The following ARHGAP35 variants were observed in gnomAD, a reference collection of about 807,000 sequenced individuals.
ARHGAP35 encodes Rho GTPase activating protein 35, also known as rho GTPase-activating protein 35.
A neutral mutation model predicts 111.1 loss-of-function variants in ARHGAP35; 15 were observed. That is an observed-to-expected ratio of 0.13 (90% CI 0.09 to 0.21). The LOEUF (loss-of-function observed/expected upper bound fraction) is 0.21, where lower values mean the gene tolerates loss of function less well. Among genes scored for constraint, ARHGAP35 ranks in the 10% least tolerant of loss-of-function variants. The pLI is 1.00. For synonymous variants in ARHGAP35, 643 were observed against 710.3 expected (o/e 0.91, Z 1.51); for missense variants, 1,262 against 1,873.0 (o/e 0.67, Z 6.02).
intron 1 of ARHGAP35, among the ~76,000 whole-genome samples, chr19:46,876,187 G>A (rs2055919274): frequency 6.6e-6 from 1 of 151,594 alleles, no homozygotes; most frequent in Non-Finnish European, 1.5e-5. Context: ...ACCTGGACCT[G>A]GCTTTATTTT....
intron 1 of ARHGAP35, among the ~76,000 whole-genome samples, chr19:46,864,010 C>T (rs992147290): frequency 6.6e-6 from 1 of 152,238 alleles, no homozygotes; most frequent in Non-Finnish European, 1.5e-5. Context: ...TGCAGGCACT[C>T]CCTGCCACAG....
At position 46,989,795 on chromosome 19, in the gene ARHGAP35, G is replaced by T; in HGVS notation, c.4036+120G>T. The T allele has an allele frequency of 6.7e-7, 1 of 1,500,216 alleles. No homozygotes were observed. The highest frequency in any genetic ancestry group is 9.0e-7 in the Non-Finnish European group (1 of 1,104,986). The allele number at this position is 1,500,216 out of a possible 1,614,324, so 92.9% of individuals were successfully genotyped here. ...AGAGCTGAGGTTTGAAGGACAGAGG[G>T]CAAGGGAATTAACCAGATGACAGCA... On this transcript the variant is annotated intron_variant, in intron 5 of 6. Coordinates refer to ENST00000672722, the MANE Select transcript of ARHGAP35 (RefSeq NM_004491.5). This position sits in a 1 kb window ranked among gnomAD's most constrained non-coding sequence, Gnocchi z 5.3.
rs2056660929 is a variant in ARHGAP35 at position 46,988,134 on chromosome 19, A to ACTGTCTGTGGGG, written c.3904+71_3904+82dup. On this transcript the variant is annotated intron_variant, in intron 4 of 6. Coordinates refer to ENST00000672722, the MANE Select transcript of ARHGAP35 (RefSeq NM_004491.5). The surrounding 1 kb of genome is among the most constrained non-coding windows in gnomAD (Gnocchi z 5.4). ...AAGGCAGACACAGCTGCCTCGGTGA[A>ACTGTCTGTGGGG]CTGTCTGTGGGGCTTCGGAGCACTC... 6.7e-7 allele frequency: 1 copy of ACTGTCTGTGGGG among 1,486,472 alleles called. No homozygotes were observed. Among genetic ancestry groups the ACTGTCTGTGGGG allele is most frequent in the African/African-American group, 1.4e-5 (1 of 72,450 alleles). The allele number at this position is 1,486,472 out of a possible 1,614,324, so 92.1% of individuals were successfully genotyped here.
intron 1 of ARHGAP35, among the ~76,000 whole-genome samples, chr19:46,891,957 G>A (rs1049936466): frequency 6.6e-6 from 1 of 151,368 alleles, no homozygotes; most frequent in Non-Finnish European, 1.5e-5. Flanking sequence ...CCTGGGCAAC[G>A]TGATGAAATC....
intron 1 of ARHGAP35, among the ~76,000 whole-genome samples, chr19:46,886,893 A>G (rs2055995774): frequency 6.6e-6 from 1 of 152,094 alleles, no homozygotes; most frequent in Non-Finnish European, 1.5e-5. Context: ...TTTTGTCTTG[A>G]CTTCTTGGGT....
Position 46,922,023 on chromosome 19 carries a change from C to T in ARHGAP35, c.3348C>T (p.Ile1116=). The change falls in exon 2 of 7, where the codon ATC becomes ATT. Residue 1116 remains isoleucine, a synonymous_variant. Coordinates refer to ENST00000672722, the MANE Select transcript of ARHGAP35 (RefSeq NM_004491.5). The surrounding 1 kb of genome is among the most constrained non-coding windows in gnomAD (Gnocchi z 4.0). ...SVPHDSTQGK[I]ITIRNINKAQ... is the part of the protein sequence containing the mutation. ...CCCATGACAGCACCCAAGGCAAAATCATCACCATTCGGAATATCAACAAAG... is the reference window on the plus strand; with the variant it reads ...CCCATGACAGCACCCAAGGCAAAATTATCACCATTCGGAATATCAACAAAG... The T allele has an allele frequency of 1.9e-6, 3 of 1,613,998 alleles. No individual in the cohort carries two copies. The highest frequency in any genetic ancestry group is 2.5e-6 in the Non-Finnish European group (3 of 1,179,882).
chr19:46,861,955 C>T (rs2055831356), intron 1 of ARHGAP35, among the ~76,000 whole-genome samples: 2 of 152,192 alleles, frequency 1.3e-5, no homozygotes, highest in African/African-American at 4.8e-5. Context: ...GAGCCTGCTG[C>T]ACCCCGGGAT....
At position 46,922,450 on chromosome 19, in the gene ARHGAP35, T is replaced by A; in HGVS notation, c.3681+94T>A. 7 of 1,116,144 alleles carry A rather than the reference T, an allele frequency of 6.3e-6. No homozygotes were observed. The highest frequency in any genetic ancestry group is 2.1e-5 in the South Asian group (1 of 47,990). The allele number at this position is 1,116,144 out of a possible 1,614,324, so 69.1% of individuals were successfully genotyped here. A position where few individuals can be genotyped will look rare whatever the true frequency, so the allele number is the denominator to read the frequency against. On this transcript the variant is annotated intron_variant, in intron 2 of 6. Coordinates refer to ENST00000672722, the MANE Select transcript of ARHGAP35 (RefSeq NM_004491.5). This position sits in a 1 kb window ranked among gnomAD's most constrained non-coding sequence, Gnocchi z 4.0. The stretch of plus-strand genomic sequence containing the variant: ...ATTTTTCAAGGACAACCTATTCTGG[T>A]AAAAAAAAAACTGCCCTGTGTGTGT...
At chr19:46,865,201 T>G (rs2055848607) in intron 1 of ARHGAP35, among the ~76,000 whole-genome samples, 2 of 152,032 alleles carry the variant, frequency 1.3e-5, no homozygotes, top group African/African-American at 4.8e-5. Context: ...CCATTTGGAG[T>G]GGGGGGACTG....
chr19:46,950,596 G>T (rs1009890541), intron 3 of ARHGAP35, among the ~76,000 whole-genome samples: 1 of 152,224 alleles, frequency 6.6e-6, no homozygotes, highest in Non-Finnish European at 1.5e-5. Context: ...TGAGCTTGTG[G>T]TGGTGTGTTT....
chr19:46,878,570 C>T (rs1378652248), intron 1 of ARHGAP35, among the ~76,000 whole-genome samples: 4 of 152,182 alleles, frequency 2.6e-5, no homozygotes, highest in Non-Finnish European at 5.9e-5. Context: ...TTGCCCACCT[C>T]GGCCTCCGGA....
chr19:46,967,291 C>T (rs1014230648), intron 3 of ARHGAP35, among the ~76,000 whole-genome samples: 4 of 152,066 alleles, frequency 2.6e-5, no homozygotes, highest in African/African-American at 9.7e-5. Context: ...TTACCATTTG[C>T]GGGAAGGTAG....
At chr19:46,914,324 G>C (rs769154166) in intron 1 of ARHGAP35, among the ~76,000 whole-genome samples, 1 of 152,182 alleles carries the variant, frequency 6.6e-6, no homozygotes, top group Non-Finnish European at 1.5e-5. Flanking sequence ...AACAGTCGTG[G>C]CTGGGCACAG....
intron 2 of ARHGAP35, among the ~76,000 whole-genome samples, chr19:46,934,916 G>A (rs968380416): frequency 2.6e-5 from 4 of 151,376 alleles, no homozygotes; most frequent in African/African-American, 9.7e-5. Flanking sequence ...CAAGCAATTT[G>A]CCCACCTCAG....
chr19:46,935,483 A>T (rs1162493417), intron 2 of ARHGAP35, among the ~76,000 whole-genome samples: 1 of 152,204 alleles, frequency 6.6e-6, no homozygotes, highest in Non-Finnish European at 1.5e-5. Context: ...CTCAGACTAA[A>T]CAGGAAGTGA....
At chr19:46,980,122 T>C (rs977678190) in intron 3 of ARHGAP35, among the ~76,000 whole-genome samples, 4 of 152,140 alleles carry the variant, frequency 2.6e-5, no homozygotes, top group African/African-American at 9.7e-5. Flanking sequence ...CGGTGTCTCA[T>C]GCCTGTAATC....
rs190373777 is a variant in ARHGAP35, at chr19:46,964,069, T to C, written c.3827-23920T>C. On this transcript the variant is annotated intron_variant, in intron 3 of 6. Coordinates refer to ENST00000672722, the MANE Select transcript of ARHGAP35 (RefSeq NM_004491.5). Reference sequence around the variant, plus strand: ...TTTTAGTAGAGACGGGGTTTCACCATGTTGGCCAAGCTGGTCTTGAACTCC... The same window carrying C: ...TTTTAGTAGAGACGGGGTTTCACCACGTTGGCCAAGCTGGTCTTGAACTCC... Among the ~76,000 whole-genome samples, 718 of 152,160 alleles carry C rather than the reference T, an allele frequency of 4.7e-3. 10 individuals carry two copies. The highest frequency in any genetic ancestry group is 0.016 in the African/African-American group (677 of 41,500).
At position 47,000,519 on chromosome 19, in the gene ARHGAP35, C is replaced by T. The variant is rs752146186; in HGVS notation, c.4331C>T (p.Pro1444Leu). 3 of 1,613,496 alleles carry T rather than the reference C, an allele frequency of 1.9e-6. No individual in the cohort carries two copies. The highest frequency in any genetic ancestry group is 2.2e-5 in the East Asian group (1 of 44,882). ...TTCTACAATCGGCCCATCACCGAGC[C>T]CCCCGGCGCCAGGCCCAGCTCCCCC... The part of the protein sequence containing the change: ...FFFYNRPITE[P>L]PGARPSSPSA... The change falls in exon 7 of 7, where the codon CCC becomes CTC. Residue 1444 changes from proline to leucine, a missense_variant. By Grantham distance (98) the Pro-to-Leu change is moderately conservative. This residue lies in a region of ARHGAP35 where 75 missense variants were observed against 87.0 expected (regional missense o/e 0.86). Transcript: ENST00000672722. This position sits in a 1 kb window ranked among gnomAD's most constrained non-coding sequence, Gnocchi z 6.9.
intron 5 of ARHGAP35, among the ~76,000 whole-genome samples, chr19:46,991,618 G>T (rs1049260379): frequency 6.6e-6 from 1 of 152,142 alleles, no homozygotes; most frequent in Non-Finnish European, 1.5e-5. Flanking sequence ...CGGGGGCTCC[G>T]TTGTCTTGAA....
Sources: allele counts gnomAD v4.1 joint callset (sites outside exome capture counted in the v4.1 genomes callset), GRCh38; gene constraint gnomAD v4.1.1; regional missense constraint gnomAD v4.1.1; non-coding constraint Gnocchi (gnomAD v3.1); transcripts MANE v1.5; gene names NCBI Gene and HGNC (gene_info 2026-07-23, HGNC 2026-07-21).